The following CSMD1 variants were observed in gnomAD, a reference collection of about 807,000 sequenced individuals.
CSMD1 encodes CUB and Sushi multiple domains 1.
In CSMD1, 213 loss-of-function variants were observed where a neutral mutation model predicts 417.5. The ratio of observed to expected loss-of-function variants is 0.51; its 90% confidence interval spans 0.46 to 0.57. The LOEUF (loss-of-function observed/expected upper bound fraction) is 0.57, where lower values mean the gene tolerates loss of function less well. Ranked by LOEUF, CSMD1 falls within the 20% of genes least tolerant of loss-of-function variation. CSMD1 has a pLI of 0.00. For synonymous variants in CSMD1, 2,862 were observed against 1,736.8 expected (o/e 1.65, Z -16.11); for missense variants, 6,923 against 4,529.7 (o/e 1.53, Z -15.17).
chr8:4,822,093 T>C (rs1349528202), intron 1 of CSMD1, among the ~76,000 whole-genome samples: 1 of 152,032 alleles, frequency 6.6e-6, no homozygotes, highest in Non-Finnish European at 1.5e-5. Context: ...AGTAAAAAAA[T>C]TACCAGAACA....
chr8:4,611,273 T>G (rs1408130620), intron 2 of CSMD1, among the ~76,000 whole-genome samples: 1 of 152,206 alleles, frequency 6.6e-6, no homozygotes, highest in Admixed American at 6.5e-5. Context: ...TCCTGTGTTG[T>G]GAAAACCTTT....
At chr8:4,804,596 G>A (rs1798487508) in intron 1 of CSMD1, among the ~76,000 whole-genome samples, 1 of 151,968 alleles carries the variant, frequency 6.6e-6, no homozygotes, top group African/African-American at 2.4e-5. Flanking sequence ...AGGAAGGAAG[G>A]AAAGTACGAA....
At position 4,412,257 on chromosome 8, in the gene CSMD1, G is replaced by A. The variant is rs565663604; in HGVS notation, c.415+7696C>T. On this transcript the variant is annotated intron_variant, in intron 3 of 69. Coordinates refer to ENST00000635120, the MANE Select transcript of CSMD1 (RefSeq NM_033225.6). ...TGGTAGGAGGTGACTAGATCATGGT[G>A]GGGCAGATTTCTCATGAATAGTTTA... 5.3e-5 allele frequency among the ~76,000 whole-genome samples: 8 copies of A among 152,212 alleles called. No individual in the cohort carries two copies. In the South Asian group the frequency reaches 1.2e-3, roughly 24 times the overall value.
At chr8:4,428,475 G>A (rs973653818) in intron 2 of CSMD1, among the ~76,000 whole-genome samples, 5 of 152,240 alleles carry the variant, frequency 3.3e-5, no homozygotes, top group African/African-American at 1.2e-4. Context: ...GGAGTAAAAA[G>A]GCTGCATGCC....
At chr8:3,091,197 T>G (rs866600834) in intron 48 of CSMD1, among the ~76,000 whole-genome samples, 2 of 152,090 alleles carry the variant, frequency 1.3e-5, no homozygotes, top group African/African-American at 4.8e-5. Context: ...TCTATTTGTT[T>G]GCTTACCATT....
chr8:4,636,838 G>T (rs759081580), intron 2 of CSMD1, among the ~76,000 whole-genome samples: 2 of 152,140 alleles, frequency 1.3e-5, no homozygotes. Flanking sequence ...TGCATTGAGT[G>T]GGGACTTGGA....
At chr8:4,837,555 T>C (rs1418928807) in intron 1 of CSMD1, among the ~76,000 whole-genome samples, 1 of 151,854 alleles carries the variant, frequency 6.6e-6, no homozygotes, top group Non-Finnish European at 1.5e-5. Flanking sequence ...AATCTAAAAA[T>C]CAAAACAATT....
At chr8:3,555,673 T>G (rs1235445549) in intron 10 of CSMD1, among the ~76,000 whole-genome samples, 1 of 151,142 alleles carries the variant, frequency 6.6e-6, no homozygotes, top group Non-Finnish European at 1.5e-5. Flanking sequence ...ATCTGATAAC[T>G]TAAATGTGAG....
At chr8:4,854,105 G>T (rs796141849) in intron 1 of CSMD1, among the ~76,000 whole-genome samples, 2 of 152,148 alleles carry the variant, frequency 1.3e-5, no homozygotes, top group Non-Finnish European at 2.9e-5. Flanking sequence ...ATGAGACATA[G>T]AACTTTTGAG....
At chr8:4,190,102 A>G (rs986444546) in intron 3 of CSMD1, among the ~76,000 whole-genome samples, 25 of 151,884 alleles carry the variant, frequency 1.6e-4, no homozygotes, top group African/African-American at 5.8e-4. Flanking sequence ...ACTAAAAAAT[A>G]CAAAAAATGA....
intron 12 of CSMD1, among the ~76,000 whole-genome samples, chr8:3,432,660 C>T (rs917540230): frequency 1.6e-4 from 24 of 152,014 alleles, no homozygotes; most frequent in African/African-American, 5.1e-4. Context: ...GGACTACAGG[C>T]GTGTGCCACC....
intron 3 of CSMD1, among the ~76,000 whole-genome samples, chr8:4,253,558 C>T (rs1255742966): frequency 1.3e-5 from 2 of 152,092 alleles, no homozygotes; most frequent in East Asian, 1.9e-4. Flanking sequence ...TCTTGGAGAA[C>T]ATTTGATCTG....
intron 5 of CSMD1, among the ~76,000 whole-genome samples, chr8:3,894,459 ATTATC>A (rs1807215330): frequency 6.6e-6 from 1 of 152,186 alleles, no homozygotes; most frequent in African/African-American, 2.4e-5. Flanking sequence ...ATAATCTTGA[ATTATC>A]TTGAGACCTC....
intron 3 of CSMD1, among the ~76,000 whole-genome samples, chr8:4,060,391 G>A (rs1487805562): frequency 6.6e-6 from 1 of 152,180 alleles, no homozygotes; most frequent in South Asian, 2.1e-4. Context: ...CACAAGACAG[G>A]GATGCCCTCT....
intron 3 of CSMD1, among the ~76,000 whole-genome samples, chr8:4,089,304 G>C (rs188175523): frequency 6.6e-6 from 1 of 152,146 alleles, no homozygotes; most frequent in Non-Finnish European, 1.5e-5. Context: ...GTAGATGTTT[G>C]AAAGAAGAAA....
At chr8:3,775,032 A>G (rs1798824398) in intron 5 of CSMD1, among the ~76,000 whole-genome samples, 1 of 152,130 alleles carries the variant, frequency 6.6e-6, no homozygotes, top group African/African-American at 2.4e-5. Context: ...AGGAGATTTC[A>G]TCATGTTACT....
chr8:3,604,553 A>G (rs1422768361), intron 8 of CSMD1, among the ~76,000 whole-genome samples: 1 of 152,216 alleles, frequency 6.6e-6, no homozygotes, highest in Non-Finnish European at 1.5e-5. Flanking sequence ...CAGTGTATGC[A>G]TCTGCTCTAA....
intron 1 of CSMD1, among the ~76,000 whole-genome samples, chr8:4,942,879 G>C (rs1233951110): frequency 6.6e-6 from 1 of 152,214 alleles, no homozygotes; most frequent in Non-Finnish European, 1.5e-5. Context: ...AACATTCTAT[G>C]AAAGCTTTTT....
chr8:3,532,583 T>C (rs930425975), intron 10 of CSMD1, among the ~76,000 whole-genome samples: 6 of 152,198 alleles, frequency 3.9e-5, no homozygotes, highest in South Asian at 2.1e-4. Context: ...TGATGAGTGA[T>C]TGCATTCATG....
Sources: gnomAD v4.1 joint callset for allele counts (sites outside exome capture counted in the v4.1 genomes callset) on GRCh38, gnomAD v4.1.1 for gene constraint, MANE v1.5 for transcripts, NCBI Gene and HGNC (gene_info 2026-07-23, HGNC 2026-07-21) for gene names.